The following GAB2 variants were observed in gnomAD, a reference collection of about 807,000 sequenced individuals.
The protein encoded by GAB2 is GRB2 associated binding protein 2.
In GAB2, 26 loss-of-function variants were observed where a neutral mutation model predicts 65.5. The observed-to-expected ratio is 0.40, with a 90% CI of 0.29 to 0.55. The LOEUF is 0.55. Among genes scored for constraint, GAB2 ranks in the 20% least tolerant of loss-of-function variants. GAB2 has a pLI of 0.53. For synonymous variants in GAB2, 321 were observed against 329.6 expected (o/e 0.97, Z 0.28); for missense variants, 884 against 875.8 (o/e 1.01, Z -0.12).
Position 78,223,395 on chromosome 11 carries a change from G to A in GAB2, c.1567+17C>T. 4 of 1,505,048 alleles carry A rather than the reference G, an allele frequency of 2.7e-6. No homozygotes were observed. The highest frequency in any genetic ancestry group is 1.4e-5 in the South Asian group (1 of 73,842). 93.2% of individuals were successfully genotyped at this position (1,505,048 alleles called of 1,614,324 possible). A position where few individuals can be genotyped will look rare whatever the true frequency, so the allele number is the denominator to read the frequency against. On this transcript the variant is annotated intron_variant, in intron 6 of 9. Transcript: ENST00000361507. ...AGCCACTGTCCAGAGATGGGACAGG[G>A]GAAAGAATGGACTTACCTTTCCGAT...
chr11:78,398,224 C>T lies in GAB2; in HGVS notation c.75+19422G>A, dbSNP rs1016472383. ...ACTAAGGAAAGACACGCTGTCTACC[C>T]GAGAAAATCTTCGCAGTGAACTGTG... On this transcript the variant is annotated intron_variant, in intron 1 of 9. Transcript: ENST00000361507. 8.5e-5 allele frequency among the ~76,000 whole-genome samples: 13 copies of T among 152,272 alleles called. 1 individual carries two copies. Among genetic ancestry groups the T allele is most frequent in the South Asian group, 4.1e-4 (2 of 4,828 alleles).
rs1342309889 is a variant in GAB2 at position 78,371,395 on chromosome 11, G to A, written c.75+46251C>T. On this transcript the variant is annotated intron_variant, in intron 1 of 9. Coordinates refer to ENST00000361507, the MANE Select transcript of GAB2 (RefSeq NM_080491.3). ...ATCTGTATAATCAGGATATTACATG[G>A]TTATAGTGAAGATTAAATGAGCTAA... 3.3e-5 allele frequency among the ~76,000 whole-genome samples: 5 copies of A among 152,196 alleles called. No homozygotes were observed. The South Asian group carries it at 8.3e-4, about 25-fold the overall frequency.
At chr11:78,384,065 T>C (rs1287353807) in intron 1 of GAB2, among the ~76,000 whole-genome samples, 1 of 152,178 alleles carries the variant, frequency 6.6e-6, no homozygotes, top group Non-Finnish European at 1.5e-5. Flanking sequence ...GACTGAAGTG[T>C]TCTTGGGAAG....
intron 1 of GAB2, among the ~76,000 whole-genome samples, chr11:78,313,397 C>T (rs1011267117): frequency 2.0e-5 from 3 of 152,162 alleles, no homozygotes; most frequent in Non-Finnish European, 4.4e-5. Context: ...GGTTCCTTTA[C>T]TTCCCCTCCT....
intron 8 of GAB2, 59 bp from the exon 9 acceptor site, chr11:78,220,503 A>C: frequency 6.8e-7 from 1 of 1,469,296 alleles, no homozygotes; most frequent in South Asian, 1.3e-5. Context: ...CCCACCACCC[A>C]GAAAAACACC....
intron 6 of GAB2, among the ~76,000 whole-genome samples, chr11:78,222,504 A>G (rs1339218643): frequency 6.7e-6 from 1 of 148,856 alleles, no homozygotes; most frequent in Non-Finnish European, 1.5e-5. Context: ...TCATTTAAAA[A>G]TAAAAGACTA....
intron 2 of GAB2, among the ~76,000 whole-genome samples, chr11:78,276,960 G>C (rs1240789120): frequency 6.6e-6 from 1 of 152,128 alleles, no homozygotes. Flanking sequence ...TAGGACTACA[G>C]TTGCCCGCCA....
chr11:78,341,304 G>C (rs1856090569), intron 1 of GAB2, among the ~76,000 whole-genome samples: 1 of 152,088 alleles, frequency 6.6e-6, no homozygotes, highest in South Asian at 2.1e-4. Flanking sequence ...AGGCATATTG[G>C]TAATATTGGT....
intron 1 of GAB2, among the ~76,000 whole-genome samples, chr11:78,391,374 T>C (rs141273538): frequency 2.0e-4 from 30 of 152,344 alleles, no homozygotes; most frequent in African/African-American, 7.0e-4. Flanking sequence ...GTTGGAAGTC[T>C]ATGTTCCCTT....
chr11:78,283,636 T>C (rs765670096), intron 1 of GAB2, among the ~76,000 whole-genome samples: 8 of 152,044 alleles, frequency 5.3e-5, no homozygotes, highest in Non-Finnish European at 8.8e-5. Context: ...TCATCAAAGG[T>C]GTCAAAGACT....
At chr11:78,350,055 TCTGTTGTCTA>T (rs1467937482) in intron 1 of GAB2, among the ~76,000 whole-genome samples, 3 of 152,162 alleles carry the variant, frequency 2.0e-5, no homozygotes, top group African/African-American at 7.2e-5. Flanking sequence ...TGTGAAACAT[TCTGTTGTCTA>T]TATTTTCATT....
chr11:78,308,114 C>T (rs796915278), intron 1 of GAB2, among the ~76,000 whole-genome samples: 2 of 152,168 alleles, frequency 1.3e-5, no homozygotes, highest in African/African-American at 4.8e-5. Context: ...GATGCTTGGG[C>T]CTATAACACT....
At chr11:78,363,787 C>T (rs1411772315) in intron 1 of GAB2, among the ~76,000 whole-genome samples, 1 of 151,880 alleles carries the variant, frequency 6.6e-6, no homozygotes, top group Admixed American at 6.6e-5. Flanking sequence ...GGTTTTGCCA[C>T]GTTGCCTAGA....
chr11:78,386,680 C>T (rs1429348970), intron 1 of GAB2, among the ~76,000 whole-genome samples: 1 of 152,122 alleles, frequency 6.6e-6, no homozygotes, highest in Non-Finnish European at 1.5e-5. Flanking sequence ...CAAGGAGGGC[C>T]CTGTGACCTC....
At chr11:78,220,263 C>G (rs1419982380) in intron 9 of GAB2, 56 bp downstream of exon 9, 1 of 1,602,602 alleles carries the variant, frequency 6.2e-7, no homozygotes, top group Non-Finnish European at 8.5e-7. Flanking sequence ...CCTCCATGAT[C>G]TCTGCCTCCG....
chr11:78,226,335 T>G, intron 4 of GAB2, 130 bp downstream of exon 4: 1 of 728,076 alleles, frequency 1.4e-6, no homozygotes, highest in Non-Finnish European at 2.4e-6. Context: ...ACACCTATGT[T>G]TTTGAGTATC....
chr11:78,395,863 C>T (rs1244885612), intron 1 of GAB2, among the ~76,000 whole-genome samples: 1 of 152,202 alleles, frequency 6.6e-6, no homozygotes, highest in Middle Eastern at 3.2e-3. Context: ...GGACTAACCT[C>T]AGAGCTCATG....
At chr11:78,344,052 A>C (rs1856142981) in intron 1 of GAB2, among the ~76,000 whole-genome samples, 1 of 152,186 alleles carries the variant, frequency 6.6e-6, no homozygotes, top group Admixed American at 6.5e-5. Context: ...AGCTAGGCAA[A>C]ACATTTTAGA....
chr11:78,349,999 C>T (rs1856251463), intron 1 of GAB2, among the ~76,000 whole-genome samples: 1 of 151,924 alleles, frequency 6.6e-6, no homozygotes, highest in Non-Finnish European at 1.5e-5. Context: ...AAGGTAAAAG[C>T]AAATTGCACA....
Sources: gnomAD v4.1 joint callset for allele counts (sites outside exome capture counted in the v4.1 genomes callset) on GRCh38, gnomAD v4.1.1 for gene constraint, MANE v1.5 for transcripts, NCBI Gene and HGNC (gene_info 2026-07-23, HGNC 2026-07-21) for gene names.